Variants in CEP128 observed in about 807,000 individuals in gnomAD.
CEP128 encodes centrosomal protein 128kDa.
In CEP128, 132 loss-of-function variants were observed where a neutral mutation model predicts 156.7. The ratio of observed to expected loss-of-function variants is 0.84; its 90% CI spans 0.73 to 0.97. The LOEUF is 0.97. Ranked by LOEUF, CEP128 falls within the 50% of genes least tolerant of loss-of-function variation. The pLI is 0.00. For synonymous variants in CEP128, 469 were observed against 448.9 expected (o/e 1.04, Z -0.57); for missense variants, 1,252 against 1,281.9 (o/e 0.98, Z 0.36).
rs570829476 is a variant in CEP128, at chr14:80,579,707, T to C, written c.2856+667A>G. 1.3e-3 allele frequency among the ~76,000 whole-genome samples: 194 copies of C among 152,300 alleles called. 1 individual carries two copies. Among genetic ancestry groups the C allele is most frequent in the African/African-American group, 4.5e-3 (187 of 41,560 alleles). ...AGTCCCCAACCTGACATTAAGTGAA[T>C]TGGTTCTATCATGGGAATATAACTG... On this transcript the variant is annotated intron_variant, in intron 20 of 24. Transcript: ENST00000555265.
chr14:80,840,477 T>C (rs1294426498), intron 10 of CEP128, among the ~76,000 whole-genome samples: 1 of 152,110 alleles, frequency 6.6e-6, no homozygotes. Flanking sequence ...TGGTCATAGA[T>C]GACAAGGTAG....
chr14:80,890,444 TC>T (rs1218431535), intron 8 of CEP128, among the ~76,000 whole-genome samples: 1 of 152,060 alleles, frequency 6.6e-6, no homozygotes, highest in East Asian at 1.9e-4. Context: ...TACTATCCAG[TC>T]ATTTAAAAAA....
rs545433576 is a variant in CEP128, at chr14:80,870,957, CA to C, written c.646-8085del. 9.3e-4 allele frequency among the ~76,000 whole-genome samples: 127 copies of C among 137,038 alleles called. No individual in the cohort carries two copies. The Middle Eastern group carries it at 0.023, about 24-fold the overall frequency. The allele number at this position is 137,038 out of a possible 152,430, so 89.9% of individuals were successfully genotyped here. Reference sequence around the variant, plus strand: ...AGCAGCATTTCTATACATAACAACTCAAAAAAAAAAAGTCCTGTTCACTATA... The same window carrying C: ...AGCAGCATTTCTATACATAACAACTCAAAAAAAAAAGTCCTGTTCACTATA... On this transcript the variant is annotated intron_variant, in intron 8 of 24. Transcript: ENST00000555265.
chr14:80,871,527 AAAGT>A (rs1418853215), intron 8 of CEP128, among the ~76,000 whole-genome samples: 11 of 152,272 alleles, frequency 7.2e-5, no homozygotes, highest in African/African-American at 2.6e-4. Context: ...AGTGAAGACC[AAAGT>A]AAGTAAAAAC....
intron 9 of CEP128, among the ~76,000 whole-genome samples, chr14:80,848,492 T>C (rs1174670921): frequency 6.6e-6 from 1 of 152,206 alleles, no homozygotes; most frequent in East Asian, 1.9e-4. Context: ...AAACTCCATC[T>C]CTACTTAAAT....
chr14:80,801,028 GCAA>G (rs372544623), intron 13 of CEP128, among the ~76,000 whole-genome samples: 27 of 152,308 alleles, frequency 1.8e-4, no homozygotes, highest in Middle Eastern at 3.4e-3. Context: ...AAACATATGG[GCAA>G]CAGATTTCAC....
intron 19 of CEP128, among the ~76,000 whole-genome samples, chr14:80,614,375 C>G (rs1487289278): frequency 2.6e-5 from 4 of 152,158 alleles, no homozygotes; most frequent in Non-Finnish European, 5.9e-5. Context: ...CAGGCTTACC[C>G]CCTTCCTTTG....
chr14:80,864,209 G>A (rs546644068), intron 8 of CEP128, among the ~76,000 whole-genome samples: 1 of 152,174 alleles, frequency 6.6e-6, no homozygotes, highest in African/African-American at 2.4e-5. Context: ...TGTGTTAATT[G>A]ACTATGTTAT....
intron 18 of CEP128, among the ~76,000 whole-genome samples, chr14:80,744,718 C>T (rs1157045577): frequency 6.6e-6 from 1 of 152,148 alleles, no homozygotes; most frequent in Non-Finnish European, 1.5e-5. Context: ...TACGTGATAG[C>T]ATACTGGATG....
At chr14:80,553,738 T>C (rs1890311410) in intron 21 of CEP128, among the ~76,000 whole-genome samples, 1 of 152,218 alleles carries the variant, frequency 6.6e-6, no homozygotes, top group Admixed American at 6.5e-5. Context: ...CAGTAATTGT[T>C]GCTTGGAGGT....
intron 8 of CEP128, among the ~76,000 whole-genome samples, chr14:80,881,287 G>A (rs1244093339): frequency 6.6e-6 from 1 of 152,134 alleles, no homozygotes; most frequent in Non-Finnish European, 1.5e-5. Flanking sequence ...TGGCTACTAT[G>A]AGTAACTATA....
chr14:80,593,262 G>T (rs1003436555), intron 19 of CEP128, among the ~76,000 whole-genome samples: 16 of 151,942 alleles, frequency 1.1e-4, no homozygotes, highest in Admixed American at 6.6e-4. Context: ...AAACCCTGTT[G>T]TCGGCCGGGT....
At chr14:80,741,378 C>A (rs539959747) in intron 19 of CEP128, among the ~76,000 whole-genome samples, 1 of 152,208 alleles carries the variant, frequency 6.6e-6, no homozygotes, top group Admixed American at 6.5e-5. Flanking sequence ...GTCTTTGTTA[C>A]CCCTTATAAC....
intron 8 of CEP128, among the ~76,000 whole-genome samples, chr14:80,890,088 C>T (rs1464320289): frequency 3.3e-5 from 5 of 152,132 alleles, no homozygotes; most frequent in South Asian, 2.1e-4. Context: ...TACCATCTCA[C>T]GCCAGTTAGA....
At chr14:80,920,156 A>G (rs1377123110) in intron 2 of CEP128, among the ~76,000 whole-genome samples, 2 of 152,342 alleles carry the variant, frequency 1.3e-5, no homozygotes, top group East Asian at 3.9e-4. Flanking sequence ...AAGGTCTTAC[A>G]TGATTCCCAT....
chr14:80,541,826 G>C (rs1482533626), intron 21 of CEP128, among the ~76,000 whole-genome samples: 1 of 152,154 alleles, frequency 6.6e-6, no homozygotes, highest in Non-Finnish European at 1.5e-5. Flanking sequence ...ACTGGGCTTG[G>C]TCAATACCTC....
At position 80,785,187 on chromosome 14, in the gene CEP128, A is replaced by C; in HGVS notation, c.1919T>G (p.Leu640Arg). The change falls in exon 15 of 25, where the codon CTG (leucine) becomes CGG (arginine). Residue 640 changes from leucine (L) to arginine (R), a missense_variant. By Grantham distance (102) the Leu-to-Arg change is moderately radical. Transcript: ENST00000555265. ...AGCAAGATCTGCTCGGATGGCACTCAGGTCCTTGATGGACTCTTGCATCTC... is the reference window on the plus strand; with the variant it reads ...AGCAAGATCTGCTCGGATGGCACTCCGGTCCTTGATGGACTCTTGCATCTC... Reference protein sequence around the residue: ...LLEMQESIKDLSAIRADLANK... With the variant: ...LLEMQESIKDRSAIRADLANK... 6.2e-7 allele frequency: 1 copy of C among 1,614,186 alleles called. No individual in the cohort carries two copies. Among genetic ancestry groups the C allele is most frequent in the Non-Finnish European group, 8.5e-7 (1 of 1,180,016 alleles).
intron 19 of CEP128, among the ~76,000 whole-genome samples, chr14:80,679,743 T>C (rs1017575771): frequency 1.3e-5 from 2 of 151,946 alleles, no homozygotes; most frequent in East Asian, 3.9e-4. Context: ...TTTTTGCCCT[T>C]TGAAGCAGGT....
intron 19 of CEP128, among the ~76,000 whole-genome samples, chr14:80,581,593 A>AAC (rs755164301): frequency 1.3e-5 from 2 of 152,196 alleles, no homozygotes; most frequent in Non-Finnish European, 2.9e-5. Context: ...CTGAAGACAC[A>AAC]ACATGCTGGG....
Sources: allele counts gnomAD v4.1 joint callset (sites outside exome capture counted in the v4.1 genomes callset), GRCh38; gene constraint gnomAD v4.1.1; transcripts MANE v1.5; gene names NCBI Gene and HGNC (gene_info 2026-07-23, HGNC 2026-07-21).